Variants in LMLN observed in about 807,000 individuals in gnomAD.
The protein encoded by LMLN is leishmanolysin-like peptidase.
In LMLN, 70 loss-of-function variants were observed where a neutral mutation model predicts 92.3. That is an observed-to-expected ratio of 0.76 (90% CI 0.63 to 0.92). The LOEUF is 0.92. Ranked by LOEUF, LMLN falls within the 40% of genes least tolerant of loss-of-function variation. The pLI, the probability that LMLN is intolerant of heterozygous loss-of-function variation, is 0.00. For missense variants in LMLN, 691 were observed against 814.6 expected (o/e 0.85, Z 1.85); for synonymous variants, 308 against 296.2 (o/e 1.04, Z -0.41).
intron 11 of LMLN, among the ~76,000 whole-genome samples, chr3:198,011,241 T>C (rs1722428691): frequency 6.6e-6 from 1 of 152,254 alleles, no homozygotes; most frequent in South Asian, 2.1e-4. Context: ...TCATTTAGTA[T>C]TAGGTATATC....
chr3:197,990,094 G>T (rs1199141681), intron 8 of LMLN, among the ~76,000 whole-genome samples: 4 of 151,072 alleles, frequency 2.6e-5, no homozygotes, highest in African/African-American at 9.8e-5. Flanking sequence ...ACAGGGTTTT[G>T]CTCTGTCACC....
At chr3:197,981,483 A>T (rs1484025167) in intron 6 of LMLN, among the ~76,000 whole-genome samples, 7 of 152,210 alleles carry the variant, frequency 4.6e-5, no homozygotes, top group African/African-American at 1.2e-4. Context: ...CTGTGCTAAA[A>T]CTGTGAAGAA....
intron 8 of LMLN, among the ~76,000 whole-genome samples, chr3:197,987,000 C>T (rs565433760): frequency 3.5e-4 from 52 of 149,804 alleles, no homozygotes; most frequent in Non-Finnish European, 5.6e-4. Flanking sequence ...CAACCATGCC[C>T]GGCTAATTTT....
Position 197,971,944 on chromosome 3 carries a change from C to CTT in LMLN, c.220-2410_220-2409dup, listed in dbSNP as rs756710031. 9.7e-4 allele frequency among the ~76,000 whole-genome samples: 79 copies of CTT among 81,206 alleles called. 4 individuals are homozygous for CTT. Among genetic ancestry groups the CTT allele is most frequent in the African/African-American group, 3.0e-3 (64 of 21,350 alleles). The allele number at this position is 81,206 out of a possible 152,430, so 53.3% of individuals were successfully genotyped here. A position where few individuals can be genotyped will look rare whatever the true frequency, so the allele number is the denominator to read the frequency against. On this transcript the variant is annotated intron_variant, in intron 1 of 15. Coordinates refer to ENST00000330198, the Ensembl canonical transcript of LMLN. ...GGTACCCATTCTCTGAGTCTCTGTT[C>CTT]TTTTTTTTTTTTTTTTTTTTTTTTA... is the stretch of plus-strand genomic sequence containing the variant.
At chr3:198,000,227 C>A (rs1012270218) in intron 11 of LMLN, among the ~76,000 whole-genome samples, 1 of 151,828 alleles carries the variant, frequency 6.6e-6, no homozygotes, top group Non-Finnish European at 1.5e-5. Context: ...TTTATACAAC[C>A]CCTACATATA....
chr3:197,971,676 C>T lies in LMLN; in HGVS notation c.220-2701C>T, dbSNP rs146413813. Reference sequence around the variant, plus strand: ...CTTGGCTCACTGAAACCTCCGCCTCCCGGGTTCAAGTGATTCTCATGCCTC... The same window carrying T: ...CTTGGCTCACTGAAACCTCCGCCTCTCGGGTTCAAGTGATTCTCATGCCTC... On this transcript the variant is annotated intron_variant, in intron 1 of 15. Coordinates refer to ENST00000330198, the Ensembl canonical transcript of LMLN. Among the ~76,000 whole-genome samples the T allele has an allele frequency of 6.6e-3, 1,000 of 152,246 alleles. 10 individuals are homozygous for T. Among genetic ancestry groups the T allele is most frequent in the Non-Finnish European group, 0.011 (739 of 68,030 alleles).
rs188672587 is a variant in LMLN at position 197,999,245 on chromosome 3, A to T, written c.1156-21A>T. The T allele has an allele frequency of 4.4e-6, 7 of 1,579,048 alleles. No individual in the cohort carries two copies. The African/African-American group carries it at 9.4e-5, about 21-fold the overall frequency. On this transcript the variant is annotated intron_variant, in intron 10 of 15. Transcript: ENST00000330198. ...AGTTGCAGAGAATCTAGTCTAATTA[A>T]ACCCTGTTGGTGATTTTCAGAATGA...
chr3:197,960,697 G>A (rs745578811), intron 1 of LMLN, among the ~76,000 whole-genome samples: 1 of 152,134 alleles, frequency 6.6e-6, no homozygotes, highest in Non-Finnish European at 1.5e-5. Flanking sequence ...TCAAACTTGA[G>A]CGTGCATCAC....
At position 197,975,028 on chromosome 3, in the gene LMLN, G is replaced by T. The variant is rs748434875; in HGVS notation, c.318-14G>T. The T allele has an allele frequency of 1.1e-5, 16 of 1,460,168 alleles. No homozygotes were observed. The highest frequency in any genetic ancestry group is 1.3e-5 in the Non-Finnish European group (14 of 1,046,824). 90.5% of individuals were successfully genotyped at this position (1,460,168 alleles called of 1,614,324 possible). On this transcript the variant is annotated splice_polypyrimidine_tract_variant and intron_variant, in intron 2 of 15. Coordinates refer to ENST00000330198, the Ensembl canonical transcript of LMLN. ...TGAGAGATAATCCTTATGTTTTTATGTCATTATTTTCAGGTTGCTCCCTGA... is the reference window on the plus strand; with the variant it reads ...TGAGAGATAATCCTTATGTTTTTATTTCATTATTTTCAGGTTGCTCCCTGA...
intron 1 of LMLN, among the ~76,000 whole-genome samples, chr3:197,960,929 A>G (rs1000269576): frequency 1.3e-5 from 2 of 152,124 alleles, no homozygotes; most frequent in African/African-American, 4.8e-5. Flanking sequence ...TTGGGGGCTC[A>G]CTGGAGACAA....
At chr3:197,984,532 C>T (rs1427254910) in intron 7 of LMLN, among the ~76,000 whole-genome samples, 1 of 152,034 alleles carries the variant, frequency 6.6e-6, no homozygotes, top group Non-Finnish European at 1.5e-5. Flanking sequence ...TGGCCCACTG[C>T]AGCCTCAGCC....
At chr3:198,030,137 C>G (rs531212922) in intron 14 of LMLN, among the ~76,000 whole-genome samples, 43 of 152,272 alleles carry the variant, frequency 2.8e-4, no homozygotes, top group Admixed American at 2.5e-3. Context: ...AGCCACTGCA[C>G]CTGGCCTGCT....
At chr3:198,028,345 G>A (rs1030250454) in intron 14 of LMLN, among the ~76,000 whole-genome samples, 2 of 152,202 alleles carry the variant, frequency 1.3e-5, no homozygotes, top group Non-Finnish European at 2.9e-5. Flanking sequence ...TTTGACACCT[G>A]TAGGATATTC....
At position 198,034,875 on chromosome 3, in the gene LMLN, T is replaced by C. The variant is rs374223550; in HGVS notation, c.1657-958T>C. On this transcript the variant is annotated intron_variant, in intron 14 of 15. Coordinates refer to ENST00000330198, the Ensembl canonical transcript of LMLN. Reference sequence around the variant, plus strand: ...AATTCTTGTTTGTTTATAATAAACATTTTTATAATTTCAAACCCCAATTAA... The same window carrying C: ...AATTCTTGTTTGTTTATAATAAACACTTTTATAATTTCAAACCCCAATTAA... Among the ~76,000 whole-genome samples the C allele has an allele frequency of 2.8e-4, 43 of 152,230 alleles. 2 individuals carry two copies. In the South Asian group the frequency reaches 8.7e-3, roughly 31 times the overall value.
chr3:197,982,220 CTTCTTTTTTTT>C (rs1440522381), intron 6 of LMLN, among the ~76,000 whole-genome samples: 1 of 135,710 alleles, frequency 7.4e-6, no homozygotes, highest in African/African-American at 3.3e-5. Flanking sequence ...AAGCAGTTAC[CTTCTTTTTTTT>C]TTTTTTTTTT....
Position 198,021,579 on chromosome 3 carries a change from A to C in LMLN, c.1499A>C (p.Asp500Ala), listed in dbSNP as rs1224469234. ...AGTGGTGAATATCAGCGCAGCTCAG[A>C]TTGTAGAATATTGGAAAATCAACCA... The change falls in exon 13 of 16, where the codon GAT (aspartate) becomes GCT (alanine). Residue 500 changes from aspartate (D) to alanine (A), a missense_variant. Asp to Ala is a moderately radical substitution (Grantham distance 126). Coordinates refer to ENST00000330198, the Ensembl canonical transcript of LMLN. The C allele has an allele frequency of 1.9e-6, 3 of 1,614,064 alleles. No homozygotes were observed. In the East Asian group the frequency reaches 6.7e-5, roughly 36 times the overall value.
chr3:198,009,910 T>A (rs1722388247), intron 11 of LMLN, among the ~76,000 whole-genome samples: 1 of 152,142 alleles, frequency 6.6e-6, no homozygotes, highest in Non-Finnish European at 1.5e-5. Flanking sequence ...AATAATCTCA[T>A]CATGGAGGAT....
intron 14 of LMLN, among the ~76,000 whole-genome samples, chr3:198,034,334 G>GTGC (rs1581187631): frequency 6.6e-6 from 1 of 152,164 alleles, no homozygotes; most frequent in African/African-American, 2.4e-5. Flanking sequence ...TTTTGGCTGG[G>GTGC]TGCGGTGGCT....
chr3:197,966,354 A>T (rs1314176748), intron 1 of LMLN, among the ~76,000 whole-genome samples: 1 of 152,118 alleles, frequency 6.6e-6, no homozygotes, highest in Non-Finnish European at 1.5e-5. Context: ...TTACATCTTT[A>T]ATGTTAATAT....
Sources: gnomAD v4.1 joint callset for allele counts (sites outside exome capture counted in the v4.1 genomes callset) on GRCh38, gnomAD v4.1.1 for gene constraint, MANE v1.5 for transcripts, NCBI Gene and HGNC (gene_info 2026-07-23, HGNC 2026-07-21) for gene names.